Variants in PIK3C2G observed in about 807,000 individuals in gnomAD.
PIK3C2G encodes phosphatidylinositol 3-kinase C2 domain-containing subunit gamma.
A neutral mutation model predicts 181.1 loss-of-function variants in PIK3C2G; 168 were observed. That is an observed-to-expected ratio of 0.93 (90% CI 0.82 to 1.05). The LOEUF (loss-of-function observed/expected upper bound fraction) is 1.05, where lower values mean the gene tolerates loss of function less well. Among genes scored for constraint, PIK3C2G ranks in the 50% least tolerant of loss-of-function variants. The pLI is 0.00. For synonymous variants in PIK3C2G, 573 were observed against 592.2 expected (o/e 0.97, Z 0.47); for missense variants, 1,869 against 1,732.8 (o/e 1.08, Z -1.40).
the PIK3C2G span, among the ~76,000 whole-genome samples, chr12:18,719,861 CT>C: frequency 6.6e-6 from 1 of 151,936 alleles, no homozygotes; most frequent in Non-Finnish European, 1.5e-5. Flanking sequence ...TTAATTATCT[CT>C]TTTTTTATGT....
chr12:18,362,925 A>C, intron 12 of PIK3C2G, 39 bp downstream of exon 12: 1 of 1,411,144 alleles, frequency 7.1e-7, no homozygotes, highest in Non-Finnish European at 9.3e-7. Flanking sequence ...CATTTATGTA[A>C]TAAATGTCAG....
In PIK3C2G at chr12:18,325,022, T is replaced by C. The variant is rs1195841963; in HGVS notation, c.1209-13T>C. On this transcript the variant is annotated splice_polypyrimidine_tract_variant and intron_variant, in intron 7 of 32. Coordinates refer to ENST00000538779, the MANE Select transcript of PIK3C2G (RefSeq NM_001288772.2). ...CCCAATTTTAAACAAAGTTTCTATT[T>C]TTTATTTTCCAGACAATGTCTCTTA... The C allele has an allele frequency of 2.1e-6, 3 of 1,435,092 alleles. No individual in the cohort carries two copies. The Admixed American group carries it at 6.1e-5, about 29-fold the overall frequency. The allele number at this position is 1,435,092 out of a possible 1,614,324, so 88.9% of individuals were successfully genotyped here.
At chr12:18,597,898 A>G (rs1947467345) in intron 30 of PIK3C2G, among the ~76,000 whole-genome samples, 1 of 152,194 alleles carries the variant, frequency 6.6e-6, no homozygotes. Context: ...CCCATTCACA[A>G]TTGCTTCAAA....
intron 18 of PIK3C2G, among the ~76,000 whole-genome samples, chr12:18,450,121 C>T (rs12049933): frequency 1.3e-5 from 2 of 151,698 alleles, no homozygotes; most frequent in African/African-American, 4.8e-5. Flanking sequence ...TTTTTAATAG[C>T]GTTGTTTTTT....
chr12:18,399,935 T>C (rs1944151470), intron 16 of PIK3C2G, 88 bp downstream of exon 16: 2 of 676,106 alleles, frequency 3.0e-6, no homozygotes. Flanking sequence ...ATTCAATAGC[T>C]ATTCTGTTTG....
chr12:18,276,029 G>A (rs1167054529), intron 1 of PIK3C2G, among the ~76,000 whole-genome samples: 1 of 152,106 alleles, frequency 6.6e-6, no homozygotes, highest in Admixed American at 6.6e-5. Context: ...CAGAGGAAGG[G>A]GATCTGCATA....
At chr12:18,325,368 G>A (rs755323542) in intron 8 of PIK3C2G, among the ~76,000 whole-genome samples, 9 of 152,156 alleles carry the variant, frequency 5.9e-5, no homozygotes, top group Non-Finnish European at 1.3e-4. Context: ...GTTGACAAAT[G>A]TTGACTGTAT....
At chr12:18,265,940 G>A (rs1948469384) in intron 1 of PIK3C2G, among the ~76,000 whole-genome samples, 1 of 148,514 alleles carries the variant, frequency 6.7e-6, no homozygotes, top group Non-Finnish European at 1.5e-5. Context: ...CTTGAACCCG[G>A]GAGGCAGAGG....
chr12:18,584,089 C>A (rs1946646630), intron 29 of PIK3C2G, among the ~76,000 whole-genome samples: 2 of 150,884 alleles, frequency 1.3e-5, no homozygotes, highest in Admixed American at 6.6e-5. Context: ...AGTTCAGTGG[C>A]GTGATCTCGG....
At chr12:18,522,223 T>G (rs1942967003) in intron 24 of PIK3C2G, among the ~76,000 whole-genome samples, 1 of 152,254 alleles carries the variant, frequency 6.6e-6, no homozygotes, top group South Asian at 2.1e-4. Context: ...TCTTAACAAT[T>G]TACTTCAGCA....
intron 5 of PIK3C2G, among the ~76,000 whole-genome samples, chr12:18,295,058 A>C (rs1949875852): frequency 6.7e-6 from 1 of 150,060 alleles, no homozygotes; most frequent in Non-Finnish European, 1.5e-5. Context: ...TATTATTTTA[A>C]TAACAAAATA....
At chr12:18,712,937 C>T in the PIK3C2G span, 2 of 1,613,922 alleles carry the variant, frequency 1.2e-6, no homozygotes, top group Non-Finnish European at 1.7e-6. Context: ...TCATTTTGTG[C>T]TCCATCCCAG....
chr12:18,302,671 T>C (rs144841260), intron 5 of PIK3C2G, among the ~76,000 whole-genome samples: 5 of 151,978 alleles, frequency 3.3e-5, no homozygotes, highest in Non-Finnish European at 7.4e-5. Context: ...CATCTGATGT[T>C]TTGCTGGTGT....
chr12:18,716,953 T>C, the PIK3C2G span, among the ~76,000 whole-genome samples: 1 of 152,164 alleles, frequency 6.6e-6, no homozygotes, highest in African/African-American at 2.4e-5. Context: ...ACAATGGTTA[T>C]ATCTGTCACA....
chr12:18,322,160 G>A (rs1005101383), intron 7 of PIK3C2G, among the ~76,000 whole-genome samples: 6 of 152,118 alleles, frequency 3.9e-5, no homozygotes, highest in African/African-American at 9.6e-5. Flanking sequence ...CTAGGCGGGC[G>A]GATCACAAGG....
At chr12:18,351,103 T>C (rs1228334194) in intron 11 of PIK3C2G, among the ~76,000 whole-genome samples, 2 of 151,932 alleles carry the variant, frequency 1.3e-5, no homozygotes, top group Non-Finnish European at 2.9e-5. Flanking sequence ...ATAATAAAGA[T>C]CTCATCCACT....
At chr12:18,367,074 A>G (rs1181616253) in intron 12 of PIK3C2G, among the ~76,000 whole-genome samples, 1 of 152,256 alleles carries the variant, frequency 6.6e-6, no homozygotes, top group Non-Finnish European at 1.5e-5. Flanking sequence ...TTATACATGA[A>G]GAAGCCAGAC....
At chr12:18,574,663 T>C (rs1781985496) in intron 29 of PIK3C2G, among the ~76,000 whole-genome samples, 1 of 152,220 alleles carries the variant, frequency 6.6e-6, no homozygotes, top group African/African-American at 2.4e-5. Context: ...AAGAGACATA[T>C]ATATAATATC....
chr12:18,686,968 C>A, the PIK3C2G span, among the ~76,000 whole-genome samples: 1 of 152,030 alleles, frequency 6.6e-6, no homozygotes, highest in East Asian at 1.9e-4. Context: ...AATTAAGTTT[C>A]TAAGCATTTT....
Sources: gnomAD v4.1 joint callset for allele counts (sites outside exome capture counted in the v4.1 genomes callset) on GRCh38, gnomAD v4.1.1 for gene constraint, MANE v1.5 for transcripts, NCBI Gene and HGNC (gene_info 2026-07-23, HGNC 2026-07-21) for gene names.